APBB2: variants seen among roughly 807,000 people sequenced by gnomAD.
APBB2 encodes the protein Fe65-like 1.
In APBB2, 38 loss-of-function variants were observed where a neutral mutation model predicts 82.5. The observed-to-expected ratio is 0.46, with a 90% confidence interval of 0.36 to 0.60. APBB2 has a LOEUF of 0.60. Ranked by LOEUF, APBB2 falls within the 20% of genes least tolerant of loss-of-function variation. The pLI is 0.00. For synonymous variants in APBB2, 341 were observed against 368.2 expected (o/e 0.93, Z 0.85); for missense variants, 772 against 972.3 (o/e 0.79, Z 2.74).
intron 7 of APBB2, among the ~76,000 whole-genome samples, chr4:40,937,141 T>C (rs566418403): frequency 1.3e-5 from 2 of 152,342 alleles, no homozygotes; most frequent in East Asian, 1.9e-4. Flanking sequence ...TGTTGTTAAG[T>C]TGAACTTTAA....
At chr4:40,935,192 G>C (rs200248041) in intron 7 of APBB2, 53 bp from the exon 8 acceptor site, 10 of 1,005,754 alleles carry the variant, frequency 9.9e-6, no homozygotes, top group Non-Finnish European at 1.3e-5. Context: ...TAAAGAAAAA[G>C]AAAAGAAAAG....
intron 12 of APBB2, among the ~76,000 whole-genome samples, chr4:40,870,354 G>C (rs1039135770): frequency 6.6e-6 from 1 of 152,136 alleles, no homozygotes; most frequent in Admixed American, 6.5e-5. Context: ...CCCGTGCCAA[G>C]CCCTCTCCCA....
At chr4:41,177,740 G>A (rs996203377) in intron 1 of APBB2, 1 of 152,178 alleles carries the variant, frequency 6.6e-6, no homozygotes, top group South Asian at 2.1e-4. Flanking sequence ...AACAGTGGTT[G>A]TTGGGAGTTA....
chr4:41,210,117 TA>T (rs775599057), intron 1 of APBB2, among the ~76,000 whole-genome samples: 10 of 152,144 alleles, frequency 6.6e-5, no homozygotes, highest in Middle Eastern at 3.2e-3. Context: ...GCTCAGGTGG[TA>T]AAGGTCACTT....
At chr4:41,140,353 C>T (rs1424281529) in intron 2 of APBB2, among the ~76,000 whole-genome samples, 1 of 152,194 alleles carries the variant, frequency 6.6e-6, no homozygotes, top group East Asian at 1.9e-4. Context: ...TTCTTTTAGA[C>T]TCAAAAAGCA....
chr4:40,941,935 C>A (rs1264221324), intron 7 of APBB2, among the ~76,000 whole-genome samples: 1 of 152,146 alleles, frequency 6.6e-6, no homozygotes, highest in Non-Finnish European at 1.5e-5. Flanking sequence ...CAGCACCTGA[C>A]CACATAAGGG....
At position 41,011,148 on chromosome 4, in the gene APBB2, G is replaced by GT. The variant is rs1029284742; in HGVS notation, c.835+2434dup. Among the ~76,000 whole-genome samples, 1,334 of 143,346 alleles carry GT rather than the reference G, an allele frequency of 9.3e-3. 11 individuals are homozygous for GT. Among genetic ancestry groups the GT allele is most frequent in the Non-Finnish European group, 0.014 (912 of 64,792 alleles). The allele number at this position is 143,346 out of a possible 152,430, so 94.0% of individuals were successfully genotyped here. A position where few individuals can be genotyped will look rare whatever the true frequency, so the allele number is the denominator to read the frequency against. On this transcript the variant is annotated intron_variant, in intron 6 of 17. Coordinates refer to ENST00000508593, the MANE Select transcript of APBB2 (RefSeq NM_004307.2). ...GTAAATTTTAAAATTGATTATTATT[G>GT]TTTTTTTTTTTAATTTTAATTTAAT...
chr4:41,136,647 G>C (rs1166302016), intron 2 of APBB2, among the ~76,000 whole-genome samples: 1 of 152,154 alleles, frequency 6.6e-6, no homozygotes, highest in African/African-American at 2.4e-5. Flanking sequence ...CAGGACGCAT[G>C]GCTTGACCTA....
chr4:41,118,416 T>C (rs1751776019), intron 2 of APBB2, among the ~76,000 whole-genome samples: 1 of 152,196 alleles, frequency 6.6e-6, no homozygotes, highest in Non-Finnish European at 1.5e-5. Context: ...ATGATGATGA[T>C]ACCTTTACCA....
In APBB2 at chr4:41,154,414, T is replaced by C. The variant is rs141158105; in HGVS notation, c.-416-11272A>G. Reference sequence around the variant, plus strand: ...TGCCTTAAGGAAGTCCATTTCCTGGTTGCGTTTCCATAACCAGGAATTTTG... The same window carrying C: ...TGCCTTAAGGAAGTCCATTTCCTGGCTGCGTTTCCATAACCAGGAATTTTG... On this transcript the variant is annotated intron_variant, in intron 1 of 17. Transcript: ENST00000508593. Among the ~76,000 whole-genome samples the C allele has an allele frequency of 1.8e-3, 272 of 152,366 alleles. 1 individual carries two copies. Among genetic ancestry groups the C allele is most frequent in the African/African-American group, 4.2e-3 (173 of 41,590 alleles).
intron 4 of APBB2, 83 bp from the exon 5 acceptor site, chr4:41,033,387 T>G: frequency 1.0e-6 from 1 of 974,354 alleles, no homozygotes; most frequent in Non-Finnish European, 1.5e-6. Flanking sequence ...TGAAAATCTC[T>G]CCAAAAGCTG....
intron 17 of APBB2, among the ~76,000 whole-genome samples, chr4:40,817,737 C>T (rs1400198496): frequency 1.3e-5 from 2 of 152,008 alleles, no homozygotes; most frequent in East Asian, 3.9e-4. Flanking sequence ...GGCTGATGTC[C>T]CTGTAAAAAG....
At chr4:40,930,937 C>T (rs550376675) in intron 10 of APBB2, among the ~76,000 whole-genome samples, 19 of 152,018 alleles carry the variant, frequency 1.2e-4, no homozygotes, top group Non-Finnish European at 1.8e-4. Context: ...TTAGTAGAGA[C>T]GGGGTTTCAC....
intron 1 of APBB2, among the ~76,000 whole-genome samples, chr4:41,185,426 G>A (rs77503857): frequency 0.011 from 1,705 of 152,180 alleles, 14 homozygotes; most frequent in Non-Finnish European, 0.017. Flanking sequence ...CATAAAGAGG[G>A]TTTCAGGACC....
At chr4:41,176,190 G>T (rs1769727391) in intron 1 of APBB2, among the ~76,000 whole-genome samples, 1 of 151,924 alleles carries the variant, frequency 6.6e-6, no homozygotes, top group Non-Finnish European at 1.5e-5. Context: ...TAACCAGTTG[G>T]TAATAAAACA....
At chr4:41,062,930 T>C (rs1730387512) in intron 4 of APBB2, among the ~76,000 whole-genome samples, 1 of 152,148 alleles carries the variant, frequency 6.6e-6, no homozygotes, top group Non-Finnish European at 1.5e-5. Flanking sequence ...CGGTAATCTC[T>C]GGAAAGGCAC....
chr4:40,887,675 A>C (rs1160871556), intron 12 of APBB2, among the ~76,000 whole-genome samples: 1 of 152,184 alleles, frequency 6.6e-6, no homozygotes, highest in Non-Finnish European at 1.5e-5. Context: ...ACACACTTTT[A>C]AAATTTACCG....
intron 12 of APBB2, among the ~76,000 whole-genome samples, chr4:40,859,287 ATTTT>A (rs34512213): frequency 7.0e-6 from 1 of 141,928 alleles, no homozygotes. Flanking sequence ...GGCTGCTGTC[ATTTT>A]TTTTTTTTTT....
chr4:41,051,014 C>G (rs938737345), intron 4 of APBB2, among the ~76,000 whole-genome samples: 1 of 136,776 alleles, frequency 7.3e-6, no homozygotes, highest in Non-Finnish European at 1.5e-5. Flanking sequence ...GATGCAAGTT[C>G]ACAAAGAAAC....
Sources: allele counts gnomAD v4.1 joint callset (sites outside exome capture counted in the v4.1 genomes callset), GRCh38; gene constraint gnomAD v4.1.1; transcripts MANE v1.5; gene names NCBI Gene and HGNC (gene_info 2026-07-23, HGNC 2026-07-21).